The following BLTP1 variants were observed in gnomAD, a reference collection of about 807,000 sequenced individuals.
The protein encoded by BLTP1 is bridge-like lipid transfer protein family member 1.
the BLTP1 span, chr4:122,182,576 A>G: frequency 2.2e-4 from 189 of 870,646 alleles, no homozygotes; most frequent in Non-Finnish European, 2.2e-4. Context: ...ACTCATCATC[A>G]TGCATGCTCC....
the BLTP1 span, chr4:122,318,237 T>C: frequency 1.9e-6 from 3 of 1,610,998 alleles, no homozygotes; most frequent in East Asian, 2.2e-5. Flanking sequence ...TTAGAAGAGA[T>C]GTTCGTAAAA....
the BLTP1 span, among the ~76,000 whole-genome samples, chr4:122,176,296 C>T: frequency 6.7e-6 from 1 of 149,960 alleles, no homozygotes; most frequent in South Asian, 2.1e-4. Flanking sequence ...GAGCGATACT[C>T]TGTCTCAAAA....
chr4:122,342,937 C>G, the BLTP1 span, among the ~76,000 whole-genome samples: 1 of 152,192 alleles, frequency 6.6e-6, no homozygotes, highest in African/African-American at 2.4e-5. Context: ...ATGTTACCAA[C>G]AAGGACACTT....
the BLTP1 span, among the ~76,000 whole-genome samples, chr4:122,245,652 G>A: frequency 6.6e-6 from 1 of 152,128 alleles, no homozygotes; most frequent in South Asian, 2.1e-4. Flanking sequence ...CTCTTCCAGA[G>A]CTTCTCCATT....
chr4:122,154,014 A>G, the BLTP1 span: 2 of 985,108 alleles, frequency 2.0e-6, no homozygotes, highest in Middle Eastern at 5.2e-4. Context: ...TTAAAATGCC[A>G]TACTTTTCAG....
chr4:122,292,122 C>T, the BLTP1 span, among the ~76,000 whole-genome samples: 1 of 152,092 alleles, frequency 6.6e-6, no homozygotes, highest in East Asian at 1.9e-4. Context: ...AGGCATGCAC[C>T]ACCACACCCA....
At chr4:122,280,279 T>C in the BLTP1 span, 3 of 648,082 alleles carry the variant, frequency 4.6e-6, no homozygotes, top group African/African-American at 6.0e-5. Context: ...AATTGGTGAA[T>C]TCCAGGACCA....
At chr4:122,204,225 A>G in the BLTP1 span, among the ~76,000 whole-genome samples, 1 of 151,928 alleles carries the variant, frequency 6.6e-6, no homozygotes, top group South Asian at 2.1e-4. Flanking sequence ...CAAGTGTGAA[A>G]TGTGAAGCTG....
At chr4:122,346,452 A>G in the BLTP1 span, 2 of 984,744 alleles carry the variant, frequency 2.0e-6, no homozygotes, top group Non-Finnish European at 2.4e-6. Flanking sequence ...GGGAAGTGGT[A>G]CTAACAGTGT....
the BLTP1 span, among the ~76,000 whole-genome samples, chr4:122,281,004 G>A: frequency 6.6e-6 from 1 of 152,240 alleles, no homozygotes; most frequent in East Asian, 1.9e-4. Context: ...GACTGATTGG[G>A]TTCAAATCCT....
At chr4:122,209,382 C>T in the BLTP1 span, 258 of 1,588,506 alleles carry the variant, frequency 1.6e-4, no homozygotes, top group African/African-American at 2.6e-3. Context: ...CAGTGGCTCA[C>T]GCCTGTAATC....
At chr4:122,174,386 T>C in the BLTP1 span, 1 of 966,372 alleles carries the variant, frequency 1.0e-6, no homozygotes, top group African/African-American at 1.8e-5. Flanking sequence ...AGTGATCATA[T>C]GTATGGCACT....
the BLTP1 span, chr4:122,276,316 G>GCTTATCAATTTTTGATATGATAATGGA: frequency 2.2e-6 from 1 of 444,552 alleles, no homozygotes; most frequent in Non-Finnish European, 3.1e-6. Context: ...TATGATCAAA[G>GCTTATCAATTTTTGATATGATAATGGA]TACTTAATTT....
chr4:122,288,134 AAATTGGTTTATTAACT>A, the BLTP1 span, among the ~76,000 whole-genome samples: 2 of 152,160 alleles, frequency 1.3e-5, no homozygotes, highest in Non-Finnish European at 2.9e-5. Context: ...AGTTTCTGGC[AAATTGGTTTATTAACT>A]AATTAGTTTA....
At chr4:122,247,107 G>A in the BLTP1 span, 1 of 1,553,746 alleles carries the variant, frequency 6.4e-7, no homozygotes, top group Non-Finnish European at 8.8e-7. Flanking sequence ...TGTTTTCTCT[G>A]AACTGTATTA....
chr4:122,243,921 T>C, the BLTP1 span: 5 of 1,610,200 alleles, frequency 3.1e-6, no homozygotes, highest in Non-Finnish European at 4.2e-6. Flanking sequence ...AACAGAAGAG[T>C]GGACCCTGGA....
At chr4:122,321,169 A>G in the BLTP1 span, among the ~76,000 whole-genome samples, 23 of 151,974 alleles carry the variant, frequency 1.5e-4, no homozygotes, top group Admixed American at 6.6e-4. Context: ...ACTGTACTGA[A>G]TGTTACCTCT....
chr4:122,202,162 G>A, the BLTP1 span, among the ~76,000 whole-genome samples: 2 of 152,032 alleles, frequency 1.3e-5, no homozygotes, highest in Non-Finnish European at 2.9e-5. Flanking sequence ...GACTGCTTCT[G>A]CTTTCCTGGA....
chr4:122,320,393 C>T, the BLTP1 span, among the ~76,000 whole-genome samples: 1 of 152,130 alleles, frequency 6.6e-6, no homozygotes, highest in African/African-American at 2.4e-5. Flanking sequence ...TCAGGCAATC[C>T]TCCTGCTTTC....
Sources: gnomAD v4.1 joint callset for allele counts (sites outside exome capture counted in the v4.1 genomes callset) on GRCh38, gnomAD v4.1.1 for gene constraint, MANE v1.5 for transcripts, NCBI Gene and HGNC (gene_info 2026-07-23, HGNC 2026-07-21) for gene names.